PAK3: variants seen among roughly 807,000 people sequenced by gnomAD.
PAK3 encodes p21 (RAC1) activated kinase 3, also known as serine/threonine-protein kinase PAK 3.
PAK3 carries 4 observed loss-of-function variants against 41.0 expected under a neutral mutation model. The ratio of observed to expected loss-of-function variants is 0.10; its 90% CI spans 0.05 to 0.22. The LOEUF (loss-of-function observed/expected upper bound fraction) is 0.22. Ranked by LOEUF, PAK3 falls within the 10% of genes least tolerant of loss-of-function variation. PAK3 has a pLI of 1.00. For synonymous variants in PAK3, 146 were observed against 139.6 expected, an observed-to-expected ratio of 1.05 and a Z score of -0.32; for missense variants, 205 against 409.9, an observed-to-expected ratio of 0.50 and a Z score of 4.32.
intron 1 of PAK3, among the ~76,000 whole-genome samples, chrX:111,039,020 G>T (rs1398120484): frequency 9.0e-6 from 1 of 111,530 alleles, no homozygotes; most frequent in Non-Finnish European, 1.9e-5. Context: ...TCTATGACTT[G>T]CTTTCCAAGG....
Position 111,226,231 on chromosome X carries a change from A to T in PAK3, c.*5784A>T, listed in dbSNP as rs1158025161. 1 of 111,449 alleles carries T rather than the reference A, an allele frequency of 9.0e-6. No homozygotes were observed. Among genetic ancestry groups the T allele is most frequent in the Non-Finnish European group, 1.9e-5 (1 of 53,072 alleles). 9.2% of individuals were successfully genotyped at this position (111,449 alleles called of 1,213,427 possible). ...CATAATAATAGGGGATGTTGATAAA[A>T]CTTGTGGCAGCCTTCCAATTCATTT... On this transcript the variant is annotated 3_prime_UTR_variant, in exon 18 of 18. Transcript: ENST00000372007.
At chrX:111,187,755 G>T (rs764116277) in intron 11 of PAK3, among the ~76,000 whole-genome samples, 6 of 110,888 alleles carry the variant, frequency 5.4e-5, no homozygotes, top group Non-Finnish European at 7.6e-5. Context: ...TAATTTGCAG[G>T]TTAGTACCTG....
At chrX:111,178,980 T>TATAGAG (rs1211051270) in intron 11 of PAK3, among the ~76,000 whole-genome samples, 128 of 91,591 alleles carry the variant, frequency 1.4e-3, no homozygotes, top group African/African-American at 4.7e-3. Context: ...TATATATATA[T>TATAGAG]AGAGAGAGAG....
chrX:111,013,473 T>C (rs746405055), intron 1 of PAK3, among the ~76,000 whole-genome samples: 6 of 110,860 alleles, frequency 5.4e-5, no homozygotes, highest in Non-Finnish European at 1.1e-4. Context: ...ACTTCAGGCA[T>C]GTAGATCCAT....
intron 3 of PAK3, among the ~76,000 whole-genome samples, chrX:111,102,395 G>A (rs1028915644): frequency 2.7e-5 from 3 of 112,408 alleles, no homozygotes; most frequent in Non-Finnish European, 5.6e-5. Flanking sequence ...GACAGGAGAA[G>A]GTAGAGGGAA....
At chrX:110,988,315 A>G (rs993338896) in intron 1 of PAK3, among the ~76,000 whole-genome samples, 1 of 112,227 alleles carries the variant, frequency 8.9e-6, no homozygotes, top group Admixed American at 9.4e-5. Flanking sequence ...AAATCAATTT[A>G]GTGGATAGTG....
At chrX:111,096,536 G>T (rs1370407628) in intron 1 of PAK3, 121 bp downstream of exon 1, 2 of 111,065 alleles carry the variant, frequency 1.8e-5, no homozygotes, top group Non-Finnish European at 3.8e-5. Context: ...TCCTGTTTGT[G>T]CCCCAGCCTC....
chrX:110,946,373 A>G (rs866402822), intron 1 of PAK3, among the ~76,000 whole-genome samples: 16 of 111,608 alleles, frequency 1.4e-4, no homozygotes, highest in Middle Eastern at 4.6e-3. Context: ...AAAAGCCAGT[A>G]TTGCAGATTG....
At chrX:111,105,019 A>G (rs1450849341) in intron 4 of PAK3, among the ~76,000 whole-genome samples, 1 of 111,595 alleles carries the variant, frequency 9.0e-6, no homozygotes, top group Admixed American at 9.5e-5. Flanking sequence ...GTACTCTTGT[A>G]CATTCACACA....
At chrX:111,168,527 C>T (rs2094293738) in intron 10 of PAK3, among the ~76,000 whole-genome samples, 1 of 111,693 alleles carries the variant, frequency 9.0e-6, no homozygotes, top group Non-Finnish European at 1.9e-5. Flanking sequence ...CACACACTCT[C>T]CTGTGAAGGG....
chrX:111,101,763 A>G (rs1225611438), intron 3 of PAK3, among the ~76,000 whole-genome samples: 1 of 111,583 alleles, frequency 9.0e-6, no homozygotes, highest in Non-Finnish European at 1.9e-5. Context: ...ACACCATTCA[A>G]TGGTGCAGTG....
intron 11 of PAK3, among the ~76,000 whole-genome samples, chrX:111,176,710 T>C (rs1337750505): frequency 9.1e-6 from 1 of 110,394 alleles, no homozygotes; most frequent in Non-Finnish European, 1.9e-5. Context: ...TATTTGTGTG[T>C]GCTGCATATC....
intron 13 of PAK3, among the ~76,000 whole-genome samples, chrX:111,193,299 C>T (rs886693031): frequency 1.2e-4 from 13 of 105,541 alleles, no homozygotes; most frequent in Admixed American, 3.1e-4. Context: ...ACCAATGTTA[C>T]AGAAGAAGGA....
intron 11 of PAK3, among the ~76,000 whole-genome samples, chrX:111,190,599 G>C (rs780672928): frequency 3.6e-4 from 40 of 111,508 alleles, no homozygotes; most frequent in African/African-American, 1.3e-3. Context: ...TTAGAACTCA[G>C]ATCTCTACTA....
intron 8 of PAK3, 91 bp from the exon 9 acceptor site, chrX:111,162,824 A>G (rs142599648): frequency 0.013 from 11,033 of 849,285 alleles, 77 homozygotes; most frequent in Non-Finnish European, 0.016. Context: ...CTATCCCTAC[A>G]TGCTTAAATA....
chrX:111,192,256 T>TA (rs926229695), intron 12 of PAK3, 81 bp downstream of exon 12: 1,317 of 546,208 alleles, frequency 2.4e-3, no homozygotes, highest in Non-Finnish European at 2.9e-3. Flanking sequence ...CAACTTCGCC[T>TA]AAAAAAAAAA....
At chrX:111,152,290 A>G in intron 7 of PAK3, 120 bp from the exon 8 acceptor site, 1 of 521,183 alleles carries the variant, frequency 1.9e-6, no homozygotes, top group Admixed American at 2.7e-5. Flanking sequence ...TTAATACTAA[A>G]TTGGAGCATT....
chrX:111,041,388 C>T (rs371864452), intron 1 of PAK3, among the ~76,000 whole-genome samples: 27 of 111,484 alleles, frequency 2.4e-4, no homozygotes, highest in African/African-American at 8.8e-4. Context: ...TAGAGACAGT[C>T]TGAACTCTCC....
intron 1 of PAK3, among the ~76,000 whole-genome samples, chrX:111,017,187 C>T (rs1375854677): frequency 9.1e-6 from 1 of 110,153 alleles, no homozygotes; most frequent in East Asian, 2.9e-4. Flanking sequence ...CAAGCTAAAC[C>T]CAAAGCTAGC....
Sources: allele counts gnomAD v4.1 joint callset (sites outside exome capture counted in the v4.1 genomes callset), GRCh38; gene constraint gnomAD v4.1.1; transcripts MANE v1.5; gene names NCBI Gene and HGNC (gene_info 2026-07-23, HGNC 2026-07-21).